The following TMEM39B variants were observed in gnomAD, a reference collection of about 807,000 sequenced individuals.
The protein encoded by TMEM39B is transmembrane protein 39B.
A neutral mutation model predicts 52.2 loss-of-function variants in TMEM39B; 23 were observed. That is an observed-to-expected ratio of 0.44 (90% CI 0.32 to 0.62). TMEM39B has a LOEUF of 0.62. TMEM39B is among the 20% of genes least tolerant of loss of function. The probability of loss-of-function intolerance (pLI) is 0.06; values close to 1 mark genes in which losing one functional copy is unlikely to be tolerated. For synonymous variants in TMEM39B, 285 were observed against 264.0 expected, an observed-to-expected ratio of 1.08 and a Z score of -0.77; for missense variants, 547 against 642.0, an observed-to-expected ratio of 0.85 and a Z score of 1.60.
intron 5 of TMEM39B, among the ~76,000 whole-genome samples, chr1:32,082,579 C>G (rs188217980): frequency 4.0e-5 from 6 of 151,786 alleles, no homozygotes; most frequent in Admixed American, 1.3e-4. Context: ...CTCAACCTCC[C>G]GAGTAGCTGG....
intron 5 of TMEM39B, chr1:32,087,678 C>A (rs1255417587): frequency 7.3e-6 from 1 of 137,626 alleles, no homozygotes; most frequent in African/African-American, 2.7e-5. Context: ...TTTTTTGAGA[C>A]GGAGTCTGTC....
intron 5 of TMEM39B, among the ~76,000 whole-genome samples, chr1:32,081,399 G>A (rs1472528904): frequency 2.0e-5 from 3 of 151,874 alleles, no homozygotes; most frequent in African/African-American, 7.2e-5. Context: ...AGCCTTCTGA[G>A]TAGTTGGAAC....
intron 1 of TMEM39B, chr1:32,073,405 T>G: frequency 1.0e-5 from 4 of 394,616 alleles, no homozygotes; most frequent in East Asian, 8.6e-5. Flanking sequence ...TCGGCGTTTC[T>G]GGGTTGGAGG....
At chr1:32,093,608 C>T (rs1464673295) in intron 6 of TMEM39B, among the ~76,000 whole-genome samples, 8 of 150,676 alleles carry the variant, frequency 5.3e-5, no homozygotes, top group African/African-American at 1.7e-4. Flanking sequence ...GACGGGGTTT[C>T]GCTATATTGG....
chr1:32,084,259 C>T (rs2124455263), intron 5 of TMEM39B, among the ~76,000 whole-genome samples: 1 of 152,196 alleles, frequency 6.6e-6, no homozygotes, highest in Middle Eastern at 3.4e-3. Context: ...TTTCCTTCTC[C>T]CTGCTTCCCC....
Position 32,090,199 on chromosome 1 carries a change from A to C in TMEM39B, c.591-1476A>C, listed in dbSNP as rs572327221. 5.9e-5 allele frequency among the ~76,000 whole-genome samples: 9 copies of C among 152,112 alleles called. No homozygotes were observed. In the South Asian group the frequency reaches 1.9e-3, roughly 32 times the overall value. On this transcript the variant is annotated intron_variant, in intron 5 of 8. Transcript: ENST00000336294. ...ACTATGATGGGCATGGCACTTACTC[A>C]GTTTTTATAATTACTTTTCTAGACT...
rs769130312 is a variant in TMEM39B at position 32,100,553 on chromosome 1, C to T, written c.1227C>T (p.Phe409=). 2.5e-6 allele frequency: 4 copies of T among 1,614,084 alleles called. No homozygotes were observed. Among genetic ancestry groups the T allele is most frequent in the East Asian group, 4.5e-5 (2 of 44,900 alleles). ...CTATCCCCTCTGACGTCTCCCACTT[C>T]CGCTTCCATGTGAGTCTCCTCCCCG... is the stretch of plus-strand genomic sequence containing the variant. The part of the protein sequence containing the change: ...NVAIPSDVSH[F]RFHFFFSKPL... The change falls in exon 8 of 9, where the codon TTC becomes TTT. Residue 409 remains phenylalanine, a synonymous_variant. Transcript: ENST00000336294.
chr1:32,073,900 ATATGTATATG>A (rs1011306767), intron 1 of TMEM39B: 2 of 983,462 alleles, frequency 2.0e-6, no homozygotes, highest in Non-Finnish European at 2.4e-6. Flanking sequence ...CTTTTTAAAA[ATATGTATATG>A]TATGTATATA....
chr1:32,100,509 G>A lies in TMEM39B; in HGVS notation c.1183G>A (p.Val395Ile), dbSNP rs748062182. The change falls in exon 8 of 9, where the codon GTA becomes ATA. Residue 395 changes from valine to isoleucine, a missense_variant. Val to Ile is a conservative substitution (Grantham distance 29, BLOSUM62 3). Coordinates refer to ENST00000336294, the MANE Select transcript of TMEM39B (RefSeq NM_018056.4). The part of the protein sequence containing the change: ...VKHSKNVYKA[V>I]GHYNVAIPSD... ...GCACAGCAAGAACGTCTACAAAGCC[G>A]TAGGCCACTACAACGTGGCTATCCC... is the stretch of plus-strand genomic sequence containing the variant. The A allele has an allele frequency of 1.5e-5, 24 of 1,613,802 alleles. No individual in the cohort carries two copies. Among genetic ancestry groups the A allele is most frequent in the African/African-American group, 4.0e-5 (3 of 74,932 alleles).
intron 5 of TMEM39B, among the ~76,000 whole-genome samples, chr1:32,086,042 G>T (rs980835365): frequency 6.6e-6 from 1 of 152,060 alleles, no homozygotes; most frequent in Non-Finnish European, 1.5e-5. Context: ...TTGAGCCTCC[G>T]TAGGCCAGAA....
At position 32,073,065 on chromosome 1, in the gene TMEM39B, C is replaced by G. The variant is rs1028958619; in HGVS notation, c.4+14C>G. 1.3e-5 allele frequency: 20 copies of G among 1,483,784 alleles called. No individual in the cohort carries two copies. In the African/African-American group the frequency reaches 2.9e-4, roughly 22 times the overall value. The allele number at this position is 1,483,784 out of a possible 1,614,324, so 91.9% of individuals were successfully genotyped here. ...GGGAGGAGATGGGTGAGCAGAGCGG[C>G]TCAGGCTCGGCCTGGCAACGAGCGG... On this transcript the variant is annotated intron_variant, in intron 1 of 8. Transcript: ENST00000336294.
Position 32,100,490 on chromosome 1 carries a change from C to T in TMEM39B, c.1164C>T (p.Ser388=). 6.2e-7 allele frequency: 1 copy of T among 1,612,576 alleles called. No homozygotes were observed. The highest frequency in any genetic ancestry group is 8.5e-7 in the Non-Finnish European group (1 of 1,179,220). The change falls in exon 8 of 9, where the codon AGC becomes AGT. Residue 388 remains serine (S), a synonymous_variant. Coordinates refer to ENST00000336294, the MANE Select transcript of TMEM39B (RefSeq NM_018056.4). ...MWPQGVLVKH[S]KNVYKAVGHY... is the part of the protein sequence containing the mutation. ...CGCAGGGCGTGCTGGTGAAGCACAGCAAGAACGTCTACAAAGCCGTAGGCC... is the reference window on the plus strand; with the variant it reads ...CGCAGGGCGTGCTGGTGAAGCACAGTAAGAACGTCTACAAAGCCGTAGGCC...
chr1:32,088,058 G>A (rs1306867289), intron 5 of TMEM39B, among the ~76,000 whole-genome samples: 2 of 150,334 alleles, frequency 1.3e-5, no homozygotes, highest in Non-Finnish European at 3.0e-5. Context: ...CCTGGGAGGT[G>A]GAGCTTGCAG....
chr1:32,078,721 A>G (rs1569865823), intron 5 of TMEM39B, among the ~76,000 whole-genome samples: 1 of 151,918 alleles, frequency 6.6e-6, no homozygotes, highest in East Asian at 1.9e-4. Context: ...GCTCACTGCA[A>G]CCTCTGCCTC....
intron 6 of TMEM39B, among the ~76,000 whole-genome samples, chr1:32,093,395 G>C (rs1435212299): frequency 7.7e-6 from 1 of 129,888 alleles, no homozygotes; most frequent in Non-Finnish European, 1.6e-5. Context: ...CACCAAGCCC[G>C]GCCCTTTTTT....
intron 8 of TMEM39B, 57 bp downstream of exon 8, chr1:32,100,619 A>C: frequency 6.2e-7 from 1 of 1,610,932 alleles, no homozygotes; most frequent in South Asian, 1.1e-5. Context: ...GAGGATCTGC[A>C]GGGCAGGAAT....
chr1:32,095,040 T>C lies in TMEM39B; in HGVS notation c.1115+69T>C, dbSNP rs77846619. Reference sequence around the variant, plus strand: ...TCAGCATCTGGAGTCACTTGTCCACTCGCTGATTAACTTATTTAGTTAGCA... The same window carrying C: ...TCAGCATCTGGAGTCACTTGTCCACCCGCTGATTAACTTATTTAGTTAGCA... On this transcript the variant is annotated intron_variant, in intron 7 of 8. Transcript: ENST00000336294. 1.5e-3 allele frequency: 2,350 copies of C among 1,533,730 alleles called. 35 individuals carry two copies. In the African/African-American group the frequency reaches 0.027, roughly 18 times the overall value.
chr1:32,091,832 A>G lies in TMEM39B; in HGVS notation c.748A>G (p.Thr250Ala). 4 of 1,614,222 alleles carry G rather than the reference A, an allele frequency of 2.5e-6. No individual in the cohort carries two copies. The highest frequency in any genetic ancestry group is 3.4e-6 in the Non-Finnish European group (4 of 1,180,036). ...LTLRETWKQH[T>A]RQLYGPDAMP... ...ACTGCGGGAGACGTGGAAGCAGCAC[A>G]CAAGACAGCTGTATGGCCCGGACGC... The change falls in exon 6 of 9, where the codon ACA becomes GCA. Residue 250 changes from threonine to alanine, a missense_variant. Physicochemically the swap from Thr to Ala is moderately conservative, Grantham distance 58 (BLOSUM62 0). Coordinates refer to ENST00000336294, the MANE Select transcript of TMEM39B (RefSeq NM_018056.4).
At chr1:32,096,795 G>A (rs1640826120) in intron 7 of TMEM39B, among the ~76,000 whole-genome samples, 1 of 149,930 alleles carries the variant, frequency 6.7e-6, no homozygotes, top group African/African-American at 2.5e-5. Context: ...TTTCCATACA[G>A]TGAAATGTGC....
Sources: allele counts gnomAD v4.1 joint callset (sites outside exome capture counted in the v4.1 genomes callset), GRCh38; gene constraint gnomAD v4.1.1; transcripts MANE v1.5; gene names NCBI Gene and HGNC (gene_info 2026-07-23, HGNC 2026-07-21).